Variants in SCGB1D1 observed in about 807,000 individuals in gnomAD.
The protein encoded by SCGB1D1 is lipophilin A (uteroglobin family member).
SCGB1D1 carries 10 observed loss-of-function variants against 8.3 expected under a neutral mutation model. The observed-to-expected ratio is 1.21, with a 90% CI of 0.74 to 2.05. SCGB1D1 has a LOEUF of 2.05. SCGB1D1 is among the 30% of genes most tolerant of loss of function. SCGB1D1 has a pLI of 0.00. For missense variants in SCGB1D1, 94 were observed against 105.1 expected (o/e 0.89, Z 0.46); for synonymous variants, 46 against 41.7 (o/e 1.10, Z -0.39).
chr11:62,191,266 G>A lies in SCGB1D1; in HGVS notation c.56-790G>A, dbSNP rs78653656. Among the ~76,000 whole-genome samples, 521 of 152,162 alleles carry A rather than the reference G, an allele frequency of 3.4e-3. 5 individuals carry two copies. Among genetic ancestry groups the A allele is most frequent in the African/African-American group, 0.012 (484 of 41,520 alleles). On this transcript the variant is annotated intron_variant, in intron 1 of 2. Coordinates refer to ENST00000306238, the MANE Select transcript of SCGB1D1 (RefSeq NM_006552.2). Reference sequence around the variant, plus strand: ...GGGGTCATGTTGAGCATGGTGGGGCGCTTTCTGGATGCATGGTGTTTGCAA... The same window carrying A: ...GGGGTCATGTTGAGCATGGTGGGGCACTTTCTGGATGCATGGTGTTTGCAA...
chr11:62,191,682 C>T (rs1944678989), intron 1 of SCGB1D1, among the ~76,000 whole-genome samples: 2 of 152,296 alleles, frequency 1.3e-5, no homozygotes, highest in South Asian at 2.1e-4. Flanking sequence ...AATTTGATTA[C>T]TCAAAGCCTC....
At position 62,193,417 on chromosome 11, in the gene SCGB1D1, T is replaced by C; in HGVS notation, c.262T>C (p.Cys88Arg). ...ATTTCAGGGAAAAATAGCAGAGAAATGTGATCGCTGAGATGTAAAAAGTTT... is the reference window on the plus strand; with the variant it reads ...ATTTCAGGGAAAAATAGCAGAGAAACGTGATCGCTGAGATGTAAAAAGTTT... ...TKTLGKIAEK[C>R]DR The change falls in exon 3 of 3, where the codon TGT becomes CGT. Residue 88 changes from cysteine to arginine, a missense_variant. Coordinates refer to ENST00000306238, the MANE Select transcript of SCGB1D1 (RefSeq NM_006552.2). 6.2e-7 allele frequency: 1 copy of C among 1,612,888 alleles called. No individual in the cohort carries two copies. The highest frequency in any genetic ancestry group is 8.5e-7 in the Non-Finnish European group (1 of 1,179,472).
At chr11:62,192,282 A>G in intron 2 of SCGB1D1, 39 bp downstream of exon 2, 1 of 1,559,502 alleles carries the variant, frequency 6.4e-7, no homozygotes, top group Non-Finnish European at 8.8e-7. Context: ...GCTTCTGGTC[A>G]GCGGCACAGT....
At chr11:62,192,411 C>A (rs1249181186) in intron 2 of SCGB1D1, among the ~76,000 whole-genome samples, 168 bp downstream of exon 2, 1 of 152,174 alleles carries the variant, frequency 6.6e-6, no homozygotes, top group Non-Finnish European at 1.5e-5. Flanking sequence ...TACCATTTCA[C>A]CTGCAGAATT....
At position 62,192,134 on chromosome 11, in the gene SCGB1D1, A is replaced by G; in HGVS notation, c.134A>G (p.Gln45Arg). 4.3e-6 allele frequency: 7 copies of G among 1,613,946 alleles called. No homozygotes were observed. Among genetic ancestry groups the G allele is most frequent in the Non-Finnish European group, 5.9e-6 (7 of 1,179,810 alleles). Residue 45 changes from glutamine (Q) to arginine (R), a missense_variant, in exon 2 of 3, where the codon CAA (glutamine) becomes CGA (arginine). Gln to Arg is a conservative substitution (Grantham distance 43). Transcript: ENST00000306238. Reference protein sequence around the residue: ...LLAGKPVFKFQLAKFKAPLEA... With the variant: ...LLAGKPVFKFRLAKFKAPLEA... The stretch of plus-strand genomic sequence containing the variant: ...GCTGGAAAACCTGTGTTCAAGTTCC[A>G]ACTTGCCAAATTTAAGGCACCTCTG...
chr11:62,190,660 C>T (rs755144616), intron 1 of SCGB1D1, among the ~76,000 whole-genome samples: 5 of 152,118 alleles, frequency 3.3e-5, no homozygotes, highest in African/African-American at 7.2e-5. Flanking sequence ...GCCCTTTCAC[C>T]GTGGGCAAGA....
At chr11:62,191,998 G>T in intron 1 of SCGB1D1, 58 bp from the exon 2 acceptor site, 1 of 1,455,096 alleles carries the variant, frequency 6.9e-7, no homozygotes, top group Non-Finnish European at 9.3e-7. Flanking sequence ...ACATCAGGGA[G>T]GCATGGGAGA....
chr11:62,190,335 C>T lies in SCGB1D1; in HGVS notation c.51C>T (p.Tyr17=), dbSNP rs139064953. Residue 17 remains tyrosine (Y), a synonymous_variant, in exon 1 of 3, where the codon TAC becomes TAT. Coordinates refer to ENST00000306238, the MANE Select transcript of SCGB1D1 (RefSeq NM_006552.2). The part of the protein sequence containing the change: ...LLLLTLALCC[Y]RANAVVCQAL... ...TGCTCACGCTGGCCCTTTGCTGCTACCGGGGTGAGTACATCAGTCATGAGT... is the reference window on the plus strand; with the variant it reads ...TGCTCACGCTGGCCCTTTGCTGCTATCGGGGTGAGTACATCAGTCATGAGT... The T allele has an allele frequency of 3.1e-6, 5 of 1,614,170 alleles. No individual in the cohort carries two copies. The highest frequency in any genetic ancestry group is 3.3e-5 in the Admixed American group (2 of 60,030).
chr11:62,192,328 G>A (rs1190251740), intron 2 of SCGB1D1, 85 bp downstream of exon 2: 1 of 1,232,440 alleles, frequency 8.1e-7, no homozygotes, highest in Non-Finnish European at 1.1e-6. Flanking sequence ...GCTCTGTGAG[G>A]GACACAGGTG....
At position 62,190,328 on chromosome 11, in the gene SCGB1D1, G is replaced by T. The variant is rs150544761; in HGVS notation, c.44G>T (p.Cys15Phe). 3.2e-5 allele frequency: 52 copies of T among 1,614,178 alleles called. No homozygotes were observed. The African/African-American group carries it at 6.3e-4, about 19-fold the overall frequency. The change falls in exon 1 of 3, where the codon TGC becomes TTC. Residue 15 changes from cysteine (C) to phenylalanine (F), a missense_variant. Cys to Phe is a radical substitution (Grantham distance 205, BLOSUM62 -2). Coordinates refer to ENST00000306238, the MANE Select transcript of SCGB1D1 (RefSeq NM_006552.2). ...VCLLLLTLAL[C>F]CYRANAVVCQ... is the part of the protein sequence containing the mutation. ...CTCCTGCTGCTCACGCTGGCCCTTT[G>T]CTGCTACCGGGGTGAGTACATCAGT... is the stretch of plus-strand genomic sequence containing the variant.
chr11:62,192,009 AAC>A (rs1944681326), intron 1 of SCGB1D1, 45 bp from the exon 2 acceptor site: 1 of 1,525,050 alleles, frequency 6.6e-7, no homozygotes, highest in East Asian at 2.3e-5. Flanking sequence ...GCATGGGAGA[AAC>A]ACTGATTTCC....
chr11:62,190,988 A>G (rs1233805861), intron 1 of SCGB1D1, among the ~76,000 whole-genome samples: 2 of 152,206 alleles, frequency 1.3e-5, no homozygotes, highest in Non-Finnish European at 2.9e-5. Context: ...AGCACTCAAT[A>G]TATCTTCTAG....
In SCGB1D1 at chr11:62,191,128, C is replaced by A. The variant is rs936791709; in HGVS notation, c.55+789C>A. Among the ~76,000 whole-genome samples, 4 of 152,166 alleles carry A rather than the reference C, an allele frequency of 2.6e-5. No homozygotes were observed. In the East Asian group the frequency reaches 7.7e-4, roughly 29 times the overall value. ...TTTCCTTTCCCCTGTCAGGACCGAT[C>A]CAGACTCTGATTTTTCTCTTTCCTC... On this transcript the variant is annotated intron_variant, in intron 1 of 2. Coordinates refer to ENST00000306238, the MANE Select transcript of SCGB1D1 (RefSeq NM_006552.2).
In SCGB1D1 at chr11:62,190,216, A is replaced by G; in HGVS notation, c.-69A>G. ...ATAGCCCTGGGCTCCACGGCTCCAC[A>G]GGCTCCCGGGGCTGAGTCTAAATCA... On this transcript the variant is annotated 5_prime_UTR_variant, in exon 1 of 3. Transcript: ENST00000306238. The G allele has an allele frequency of 6.2e-7, 1 of 1,600,906 alleles. No homozygotes were observed. Among genetic ancestry groups the G allele is most frequent in the South Asian group, 1.1e-5 (1 of 90,520 alleles).
intron 2 of SCGB1D1, 121 bp downstream of exon 2, chr11:62,192,364 C>G: frequency 3.5e-6 from 3 of 847,390 alleles, no homozygotes; most frequent in Non-Finnish European, 5.6e-6. Context: ...TACTGGTCAC[C>G]GCTTGAGAAG....
intron 2 of SCGB1D1, 48 bp from the exon 3 acceptor site, chr11:62,193,351 G>T: frequency 1.3e-6 from 2 of 1,572,182 alleles, no homozygotes; most frequent in East Asian, 2.3e-5. Flanking sequence ...TTGTCTCCAG[G>T]AGCTGCATGA....
chr11:62,193,532 G>A lies in SCGB1D1; in HGVS notation c.*104G>A. ...AACGTCTTGCTCTAATAAATCACTT[G>A]CCCTGAACTTCTCCACTGGTCGTGT... is the stretch of plus-strand genomic sequence containing the variant. On this transcript the variant is annotated 3_prime_UTR_variant, in exon 3 of 3. Transcript: ENST00000306238. 4.0e-6 allele frequency: 4 copies of A among 1,005,410 alleles called. No homozygotes were observed. Among genetic ancestry groups the A allele is most frequent in the Non-Finnish European group, 6.0e-6 (4 of 667,110 alleles). The allele number at this position is 1,005,410 out of a possible 1,614,324, so 62.3% of individuals were successfully genotyped here. A position where few individuals can be genotyped will look rare whatever the true frequency, so the allele number is the denominator to read the frequency against.
chr11:62,192,128 A>C lies in SCGB1D1; in HGVS notation c.128A>C (p.Lys43Thr), dbSNP rs762365027. ...GFLLAGKPVF[K>T]FQLAKFKAPL... ...TTATTAGCTGGAAAACCTGTGTTCA[A>C]GTTCCAACTTGCCAAATTTAAGGCA... The change falls in exon 2 of 3, where the codon AAG becomes ACG. Residue 43 changes from lysine (K) to threonine (T), a missense_variant. By Grantham distance (78) the Lys-to-Thr change is moderately conservative (BLOSUM62 -1). Coordinates refer to ENST00000306238, the MANE Select transcript of SCGB1D1 (RefSeq NM_006552.2). The C allele has an allele frequency of 6.2e-7, 1 of 1,613,918 alleles. No individual in the cohort carries two copies. Among genetic ancestry groups the C allele is most frequent in the Non-Finnish European group, 8.5e-7 (1 of 1,179,786 alleles).
intron 2 of SCGB1D1, 128 bp from the exon 3 acceptor site, chr11:62,193,271 T>C (rs1056730824): frequency 1.8e-5 from 14 of 767,822 alleles, no homozygotes; most frequent in Non-Finnish European, 2.7e-5. Context: ...CCACACACAC[T>C]GGGTTCCTGC....
Sources: allele counts gnomAD v4.1 joint callset (sites outside exome capture counted in the v4.1 genomes callset), GRCh38; gene constraint gnomAD v4.1.1; transcripts MANE v1.5; gene names NCBI Gene and HGNC (gene_info 2026-07-23, HGNC 2026-07-21).